The following KMT2E variants were observed in gnomAD, a reference collection of about 807,000 sequenced individuals.
KMT2E encodes the protein lysine methyltransferase 2E (inactive).
In KMT2E, 30 loss-of-function variants were observed where a neutral mutation model predicts 184.6. That is an observed-to-expected ratio of 0.16 (90% CI 0.12 to 0.22). KMT2E has a LOEUF of 0.22. Among genes scored for constraint, KMT2E ranks in the 10% least tolerant of loss-of-function variants. The pLI is 1.00. For synonymous variants in KMT2E, 815 were observed against 776.5 expected, an observed-to-expected ratio of 1.05 and a Z score of -0.82; for missense variants, 2,023 against 2,237.4, an observed-to-expected ratio of 0.90 and a Z score of 1.93.
At chr7:105,096,149 G>A (rs1798401292) in intron 15 of KMT2E, among the ~76,000 whole-genome samples, 1 of 151,332 alleles carries the variant, frequency 6.6e-6, no homozygotes. Flanking sequence ...CAGCTACTTG[G>A]GAGGCTGAGG....
chr7:105,110,635 T>C (rs767586710), intron 25 of KMT2E, 33 bp downstream of exon 25: 1 of 1,613,030 alleles, frequency 6.2e-7, no homozygotes, highest in Non-Finnish European at 8.5e-7. Context: ...ATGTTATTCT[T>C]AACAAATTTT....
chr7:105,086,280 T>C (rs563154332), intron 13 of KMT2E, among the ~76,000 whole-genome samples: 5 of 152,314 alleles, frequency 3.3e-5, no homozygotes, highest in African/African-American at 1.2e-4. Flanking sequence ...TATGTACATG[T>C]TCTCTCCATG....
chr7:105,109,998 T>G (rs1456791638), intron 23 of KMT2E, among the ~76,000 whole-genome samples: 2 of 150,982 alleles, frequency 1.3e-5, no homozygotes, highest in Non-Finnish European at 3.0e-5. Context: ...GCCTGGCTAA[T>G]TTTTTTTTGT....
chr7:105,100,733 C>A (rs962737029), intron 15 of KMT2E, among the ~76,000 whole-genome samples: 2 of 152,168 alleles, frequency 1.3e-5, no homozygotes, highest in African/African-American at 4.8e-5. Context: ...TAATAATTAA[C>A]ATACAGAACG....
intron 15 of KMT2E, among the ~76,000 whole-genome samples, chr7:105,097,337 A>G (rs2237603): frequency 6.6e-6 from 1 of 152,242 alleles, no homozygotes; most frequent in East Asian, 1.9e-4. Context: ...ATTTCTAAAG[A>G]TAAGTAATTA....
chr7:105,092,152 G>A (rs1198695013), intron 15 of KMT2E, among the ~76,000 whole-genome samples: 7 of 152,032 alleles, frequency 4.6e-5, no homozygotes, highest in East Asian at 3.9e-4. Context: ...GGCTGGGAGC[G>A]GTGGCTCACA....
intron 13 of KMT2E, among the ~76,000 whole-genome samples, chr7:105,086,650 G>T (rs1797975338): frequency 6.6e-6 from 1 of 151,530 alleles, no homozygotes. Flanking sequence ...ACTTGAACCT[G>T]GGAGGTGGAG....
chr7:105,082,349 G>A (rs753455095), intron 13 of KMT2E, among the ~76,000 whole-genome samples: 7 of 152,144 alleles, frequency 4.6e-5, no homozygotes, highest in Non-Finnish European at 8.8e-5. Flanking sequence ...CACAATCTGC[G>A]TATACATTTT....
chr7:105,054,674 C>G (rs1044024819), intron 3 of KMT2E, among the ~76,000 whole-genome samples: 1 of 152,114 alleles, frequency 6.6e-6, no homozygotes, highest in African/African-American at 2.4e-5. Context: ...GCCACCATGC[C>G]TGGCTAATTT....
chr7:105,059,756 A>T (rs1213002923), intron 3 of KMT2E, among the ~76,000 whole-genome samples: 2 of 151,844 alleles, frequency 1.3e-5, no homozygotes, highest in African/African-American at 4.8e-5. Context: ...AGATATAATG[A>T]TGCATAGAAA....
chr7:105,057,813 C>G (rs1198790859), intron 3 of KMT2E, among the ~76,000 whole-genome samples: 1 of 152,164 alleles, frequency 6.6e-6, no homozygotes, highest in African/African-American at 2.4e-5. Flanking sequence ...ATGTATTATT[C>G]AGTATCTATC....
chr7:105,077,203 T>C lies in KMT2E; in HGVS notation c.999+10T>C. 1 of 1,609,804 alleles carries C rather than the reference T, an allele frequency of 6.2e-7. No individual in the cohort carries two copies. The highest frequency in any genetic ancestry group is 8.5e-7 in the Non-Finnish European group (1 of 1,176,614). ...CAAACCTCCTGTAGAGGTAAATACA[T>C]CATTTGTCCAAAAATTGTAAAGCAG... On this transcript the variant is annotated intron_variant, in intron 10 of 26. Coordinates refer to ENST00000311117, the MANE Select transcript of KMT2E (RefSeq NM_182931.3).
In KMT2E at chr7:105,107,561, TACA is replaced by T; in HGVS notation, c.3105_3107del (p.His1036del). The T allele has an allele frequency of 6.2e-7, 1 of 1,614,026 alleles. No homozygotes were observed. On this transcript the variant is annotated inframe_deletion, in exon 22 of 27. Transcript: ENST00000311117. ...CTCGATGCAGTTGAGCCAACTGCCC[TACA>T]TAAAACCCTGGAAACGCCTGCACAT...
chr7:105,062,063 A>G (rs1368865368), intron 3 of KMT2E, 101 bp from the exon 4 acceptor site: 4 of 756,964 alleles, frequency 5.3e-6, no homozygotes, highest in East Asian at 2.5e-5. Flanking sequence ...CTGTATTTGT[A>G]TAGCCATTAT....
intron 15 of KMT2E, among the ~76,000 whole-genome samples, chr7:105,097,097 G>A (rs973643255): frequency 5.3e-5 from 8 of 152,166 alleles, no homozygotes; most frequent in African/African-American, 1.4e-4. Flanking sequence ...GGAAAACACT[G>A]CAGAATCCAT....
intron 4 of KMT2E, 54 bp downstream of exon 4, chr7:105,062,332 T>A: frequency 8.4e-7 from 1 of 1,185,848 alleles, no homozygotes; most frequent in Non-Finnish European, 1.2e-6. Context: ...AGATTGAAAG[T>A]AGATGCATGT....
intron 1 of KMT2E, among the ~76,000 whole-genome samples, chr7:105,019,383 A>C (rs996764018): frequency 6.6e-6 from 1 of 152,134 alleles, no homozygotes; most frequent in African/African-American, 2.4e-5. Flanking sequence ...TTTTATTGTT[A>C]GGTGAATTTT....
At chr7:105,031,559 C>T (rs1446724418) in intron 1 of KMT2E, among the ~76,000 whole-genome samples, 1 of 148,444 alleles carries the variant, frequency 6.7e-6, no homozygotes, top group Non-Finnish European at 1.5e-5. Context: ...TGAAACCAGC[C>T]TGGCCAATAT....
chr7:105,107,075 A>G (rs924903427), intron 20 of KMT2E, 91 bp from the exon 21 acceptor site: 7 of 760,958 alleles, frequency 9.2e-6, no homozygotes, highest in South Asian at 2.1e-5. Context: ...TAAAGTCTGT[A>G]TATTTTTCAT....
Sources: gnomAD v4.1 joint callset for allele counts (sites outside exome capture counted in the v4.1 genomes callset) on GRCh38, gnomAD v4.1.1 for gene constraint, MANE v1.5 for transcripts, NCBI Gene and HGNC (gene_info 2026-07-23, HGNC 2026-07-21) for gene names.